The following PCDHA5 variants were observed in gnomAD, a reference collection of about 807,000 sequenced individuals.
PCDHA5 encodes the protein protocadherin alpha 5, also known as protocadherin alpha-5.
A neutral mutation model predicts 61.6 loss-of-function variants in PCDHA5; 43 were observed. That is an observed-to-expected ratio of 0.70 (90% CI 0.55 to 0.90). The LOEUF is 0.90. Among genes scored for constraint, PCDHA5 ranks in the 40% least tolerant of loss-of-function variants. PCDHA5 has a pLI of 0.00. For synonymous variants in PCDHA5, 627 were observed against 543.9 expected, an observed-to-expected ratio of 1.15 and a Z score of -2.13; for missense variants, 1,298 against 1,222.7, an observed-to-expected ratio of 1.06 and a Z score of -0.92.
intron 3 of PCDHA5, among the ~76,000 whole-genome samples, chr5:140,989,861 C>G (rs1449611550): frequency 6.6e-6 from 1 of 152,042 alleles, no homozygotes; most frequent in Non-Finnish European, 1.5e-5. Context: ...GGAGAGGAAT[C>G]TTTCTCTGCC....
intron 1 of PCDHA5, chr5:140,927,190 G>A (rs1554204161): frequency 6.2e-7 from 1 of 1,614,156 alleles, no homozygotes; most frequent in South Asian, 1.1e-5. Context: ...CTACGACCTG[G>A]TGCTCGAGGA....
chr5:140,969,019 G>C lies in PCDHA5; in HGVS notation c.2353-9930G>C. 3.1e-6 allele frequency: 5 copies of C among 1,614,164 alleles called. No homozygotes were observed. The South Asian group carries it at 5.5e-5, about 18-fold the overall frequency. ...GAGGCTTCTGTGGAGTAAGGGAAAG[G>C]TCCCCTGCAGAACTGTACAAACAAG... On this transcript the variant is annotated intron_variant, in intron 1 of 3. Transcript: ENST00000529859.
intron 1 of PCDHA5, among the ~76,000 whole-genome samples, chr5:140,910,952 G>A (rs1188072199): frequency 3.3e-5 from 5 of 152,082 alleles, no homozygotes; most frequent in African/African-American, 1.2e-4. Context: ...TTCTTTTCGA[G>A]TGTAGCACAC....
chr5:140,969,704 T>G (rs1317094729), intron 1 of PCDHA5, among the ~76,000 whole-genome samples: 10 of 152,172 alleles, frequency 6.6e-5, no homozygotes, highest in African/African-American at 2.4e-4. Flanking sequence ...TGCTGTATCA[T>G]CTACAGGGAA....
Position 140,869,430 on chromosome 5 carries a change from C to A in PCDHA5, c.2352+45303C>A, listed in dbSNP as rs73793507. On this transcript the variant is annotated intron_variant, in intron 1 of 3. Transcript: ENST00000529859. ...AGTGCAGCATCCACCTGGAGGTGATCGTGGACAGGCCGCTGCAGGTTTTCC... is the reference window on the plus strand; with the variant it reads ...AGTGCAGCATCCACCTGGAGGTGATAGTGGACAGGCCGCTGCAGGTTTTCC... 7.1e-4 allele frequency: 1,143 copies of A among 1,614,154 alleles called. 9 individuals are homozygous for A. In the African/African-American group the frequency reaches 0.013, roughly 18 times the overall value.
In PCDHA5 at chr5:140,856,890, G is replaced by A. The variant is rs782469336; in HGVS notation, c.2352+32763G>A. On this transcript the variant is annotated intron_variant, in intron 1 of 3. Transcript: ENST00000529859. ...AACAAGGAAATGATGTATTCATTTA[G>A]CTCTTTGGTCCCACCCACGATAAGA... 2.1e-5 allele frequency: 34 copies of A among 1,596,056 alleles called. 3 individuals carry two copies. The highest frequency in any genetic ancestry group is 2.9e-5 in the Non-Finnish European group (34 of 1,165,980).
chr5:140,840,200 G>A (rs1412931294), intron 1 of PCDHA5, among the ~76,000 whole-genome samples: 1 of 151,990 alleles, frequency 6.6e-6, no homozygotes, highest in Non-Finnish European at 1.5e-5. Flanking sequence ...CAAAGGAAAA[G>A]AAGTCATAAA....
intron 1 of PCDHA5, among the ~76,000 whole-genome samples, chr5:140,888,420 C>T (rs947790198): frequency 3.3e-5 from 5 of 152,130 alleles, no homozygotes; most frequent in African/African-American, 4.8e-5. Context: ...AACATCCTAC[C>T]GTGCACAGGA....
chr5:140,841,694 G>C, intron 1 of PCDHA5: 1 of 1,613,934 alleles, frequency 6.2e-7, no homozygotes. Context: ...GGAGGTGAAG[G>C]ATGTTAATGA....
chr5:140,933,938 T>C (rs1275274532), intron 1 of PCDHA5, among the ~76,000 whole-genome samples: 1 of 152,108 alleles, frequency 6.6e-6, no homozygotes, highest in Non-Finnish European at 1.5e-5. Context: ...TGACTTTTTT[T>C]CACATCTGCA....
At chr5:140,924,902 A>AT (rs1563068435) in intron 1 of PCDHA5, among the ~76,000 whole-genome samples, 2 of 39,026 alleles carry the variant, frequency 5.1e-5, no homozygotes, top group Non-Finnish European at 1.3e-4. Context: ...CTCAAAAAAA[A>AT]AAATAAAATA....
At chr5:140,870,611 T>C in intron 1 of PCDHA5, 1 of 1,613,258 alleles carries the variant, frequency 6.2e-7, no homozygotes, top group Non-Finnish European at 8.5e-7. Flanking sequence ...GACCGCGCGC[T>C]GTCGAGCTAC....
chr5:141,001,461 C>G (rs2098019350), intron 3 of PCDHA5, among the ~76,000 whole-genome samples: 1 of 152,214 alleles, frequency 6.6e-6, no homozygotes, highest in South Asian at 2.1e-4. Context: ...AATTGAAGGA[C>G]TAAGCAGCAG....
At chr5:140,958,544 A>G (rs1218939069) in intron 1 of PCDHA5, among the ~76,000 whole-genome samples, 1 of 152,182 alleles carries the variant, frequency 6.6e-6, no homozygotes, top group Non-Finnish European at 1.5e-5. Flanking sequence ...TGATTTATGA[A>G]CCAATAAATG....
At chr5:141,000,413 ATATATATATTT>A (rs1563651437) in intron 3 of PCDHA5, among the ~76,000 whole-genome samples, 3 of 93,258 alleles carry the variant, frequency 3.2e-5, no homozygotes, top group African/African-American at 1.4e-4. Flanking sequence ...ATATATATAT[ATATATATATTT>A]TTTTTTTTTT....
intron 1 of PCDHA5, among the ~76,000 whole-genome samples, chr5:140,917,340 T>TG (rs2078149834): frequency 7.5e-6 from 1 of 132,986 alleles, no homozygotes; most frequent in Non-Finnish European, 1.6e-5. Context: ...AGGGGGGGGA[T>TG]GGTGTAGGCT....
chr5:140,941,347 T>C (rs246069), intron 1 of PCDHA5, among the ~76,000 whole-genome samples: 97,460 of 130,222 alleles, frequency 0.75, 37,726 homozygotes, highest in African/African-American at 0.94. Context: ...GATGGAGTCT[T>C]GCTCTGTTGC....
chr5:140,869,880 T>C (rs923843539), intron 1 of PCDHA5: 12 of 1,610,162 alleles, frequency 7.5e-6, no homozygotes, highest in South Asian at 3.3e-5. Flanking sequence ...CTAAAGAAAC[T>C]CTTGTGCTCA....
In PCDHA5 at chr5:140,830,423, C is replaced by T. The variant is rs2150186297; in HGVS notation, c.2352+6296C>T. 29 of 1,613,982 alleles carry T rather than the reference C, an allele frequency of 1.8e-5. 1 individual carries two copies. The Middle Eastern group carries it at 2.0e-3, about 110-fold the overall frequency. ...CATGGCCTTTAGCCCCAGCCTTTCACCTTGTCCTATTATGATGGGTAAGGC... is the reference window on the plus strand; with the variant it reads ...CATGGCCTTTAGCCCCAGCCTTTCATCTTGTCCTATTATGATGGGTAAGGC... On this transcript the variant is annotated intron_variant, in intron 1 of 3. Transcript: ENST00000529859.
Sources: allele counts gnomAD v4.1 joint callset (sites outside exome capture counted in the v4.1 genomes callset), GRCh38; gene constraint gnomAD v4.1.1; transcripts MANE v1.5; gene names NCBI Gene and HGNC (gene_info 2026-07-23, HGNC 2026-07-21).